The following ACER2 variants were observed in gnomAD, a reference collection of about 807,000 sequenced individuals.
ACER2 encodes alkCDase 2.
A neutral mutation model predicts 34.7 loss-of-function variants in ACER2; 26 were observed. The ratio of observed to expected loss-of-function variants is 0.75; its 90% CI spans 0.55 to 1.04. The LOEUF is 1.04. ACER2 is among the 50% of genes least tolerant of loss of function. ACER2 has a pLI of 0.00. For missense variants in ACER2, 352 were observed against 340.8 expected, an observed-to-expected ratio of 1.03 and a Z score of -0.26; for synonymous variants, 138 against 132.1, an observed-to-expected ratio of 1.04 and a Z score of -0.31.
At chr9:19,434,507 C>G (rs1442272502) in intron 3 of ACER2, among the ~76,000 whole-genome samples, 1 of 152,258 alleles carries the variant, frequency 6.6e-6, no homozygotes, top group South Asian at 2.1e-4. Context: ...GAACCAGACT[C>G]CGTCTGCAAT....
chr9:19,422,430 G>T (rs1288832416), intron 1 of ACER2, among the ~76,000 whole-genome samples: 2 of 152,132 alleles, frequency 1.3e-5, no homozygotes, highest in Non-Finnish European at 2.9e-5. Context: ...GAATGCCCAT[G>T]GAGACATAAC....
At chr9:19,438,225 A>C (rs907529263) in intron 4 of ACER2, among the ~76,000 whole-genome samples, 1 of 152,226 alleles carries the variant, frequency 6.6e-6, no homozygotes, top group Non-Finnish European at 1.5e-5. Context: ...TAGATCTCAT[A>C]GTCTTGCAGT....
intron 1 of ACER2, among the ~76,000 whole-genome samples, chr9:19,413,660 T>A (rs1355986413): frequency 2.6e-5 from 4 of 151,808 alleles, no homozygotes; most frequent in African/African-American, 9.7e-5. Flanking sequence ...CTAGCCACTT[T>A]GGAGAAAAGC....
At chr9:19,413,113 A>G (rs1830136736) in intron 1 of ACER2, among the ~76,000 whole-genome samples, 1 of 152,240 alleles carries the variant, frequency 6.6e-6, no homozygotes, top group Non-Finnish European at 1.5e-5. Flanking sequence ...ATGTTTGGGC[A>G]TACAAAACAT....
At chr9:19,430,013 C>T (rs1187358576) in intron 3 of ACER2, among the ~76,000 whole-genome samples, 3 of 151,880 alleles carry the variant, frequency 2.0e-5, no homozygotes, top group East Asian at 1.9e-4. Context: ...GTGGTCATTA[C>T]GATGGGAGGT....
At chr9:19,426,023 G>A (rs984628627) in intron 3 of ACER2, among the ~76,000 whole-genome samples, 2 of 152,134 alleles carry the variant, frequency 1.3e-5, no homozygotes, top group African/African-American at 4.8e-5. Flanking sequence ...AATGCTGGCT[G>A]CAAGGGGCAC....
chr9:19,426,218 A>C (rs1277681753), intron 3 of ACER2, among the ~76,000 whole-genome samples: 1 of 136,174 alleles, frequency 7.3e-6, no homozygotes, highest in Non-Finnish European at 1.6e-5. Flanking sequence ...GAACTGGTTG[A>C]CTTTTTTTTT....
chr9:19,446,044 G>A (rs1831346219), intron 4 of ACER2: 2 of 695,152 alleles, frequency 2.9e-6, no homozygotes, highest in Non-Finnish European at 5.3e-6. Context: ...AATGTAGTTG[G>A]GTGTATGAGT....
At chr9:19,409,651 C>T (rs1031865946) in intron 1 of ACER2, 1 of 783,868 alleles carries the variant, frequency 1.3e-6, no homozygotes, top group Non-Finnish European at 1.5e-6. Context: ...CCGCAGGTCC[C>T]CGCGGCTGGG....
rs1219811982 is a variant in ACER2, at chr9:19,451,363, A to C, written c.*727A>C. On this transcript the variant is annotated 3_prime_UTR_variant, in exon 6 of 6. Coordinates refer to ENST00000340967, the MANE Select transcript of ACER2 (RefSeq NM_001010887.3). The stretch of plus-strand genomic sequence containing the variant: ...AAACAAAACCAAACAGATGAAACAC[A>C]CACAGGACTTGTGGCTAAAAAGGCT... The C allele has an allele frequency of 6.6e-6, 1 of 152,666 alleles. No individual in the cohort carries two copies. The highest frequency in any genetic ancestry group is 1.5e-5 in the Non-Finnish European group (1 of 68,036). The allele number at this position is 152,666 out of a possible 1,614,324, so 9.5% of individuals were successfully genotyped here.
At position 19,424,583 on chromosome 9, in the gene ACER2, A is replaced by C. The variant is rs1050003600; in HGVS notation, c.224-117A>C. On this transcript the variant is annotated intron_variant, in intron 2 of 5. Coordinates refer to ENST00000340967, the MANE Select transcript of ACER2 (RefSeq NM_001010887.3). ...TTCTTTCTTCAGTTTCTTTTTTCAG[A>C]GAGAGAGTGATCTGGTGACTGTGTT... is the stretch of plus-strand genomic sequence containing the variant. 5 of 1,503,374 alleles carry C rather than the reference A, an allele frequency of 3.3e-6. No individual in the cohort carries two copies. In the African/African-American group the frequency reaches 7.0e-5, roughly 21 times the overall value. The allele number at this position is 1,503,374 out of a possible 1,614,324, so 93.1% of individuals were successfully genotyped here. A position where few individuals can be genotyped will look rare whatever the true frequency, so the allele number is the denominator to read the frequency against.
intron 3 of ACER2, among the ~76,000 whole-genome samples, chr9:19,432,987 G>GA (rs1830806333): frequency 6.6e-6 from 1 of 151,640 alleles, no homozygotes; most frequent in African/African-American, 2.4e-5. Flanking sequence ...AAAACATACG[G>GA]AAAAATCGCA....
Position 19,424,832 on chromosome 9 carries a change from G to C in ACER2, c.356G>C (p.Arg119Pro). The stretch of plus-strand genomic sequence containing the variant: ...AGAAGGTATCTACCAAAGATCTTTC[G>C]GAATGACCGGTAAGCTTGCACTAAA... The part of the protein sequence containing the change: ...FPRRYLPKIF[R>P]NDRGRFKVVV... Residue 119 changes from arginine (R) to proline (P), a missense_variant, in exon 3 of 6, where the codon CGG becomes CCG. Coordinates refer to ENST00000340967, the MANE Select transcript of ACER2 (RefSeq NM_001010887.3). The C allele has an allele frequency of 1.2e-6, 2 of 1,614,076 alleles. No individual in the cohort carries two copies. Among genetic ancestry groups the C allele is most frequent in the Non-Finnish European group, 1.7e-6 (2 of 1,180,016 alleles).
chr9:19,450,275 C>T (rs1775494112), intron 5 of ACER2, 175 bp from the exon 6 acceptor site: 4 of 985,382 alleles, frequency 4.1e-6, no homozygotes, highest in Non-Finnish European at 4.8e-6. Context: ...GATTTATCAT[C>T]CTGCTATTCC....
At chr9:19,432,204 C>G (rs2132497285) in intron 3 of ACER2, among the ~76,000 whole-genome samples, 1 of 152,292 alleles carries the variant, frequency 6.6e-6, no homozygotes, top group South Asian at 2.1e-4. Flanking sequence ...GATGTAAATT[C>G]TAGTGCATAC....
chr9:19,413,224 A>G (rs1304112506), intron 1 of ACER2, among the ~76,000 whole-genome samples: 2 of 152,186 alleles, frequency 1.3e-5, no homozygotes, highest in Non-Finnish European at 2.9e-5. Flanking sequence ...TTCCTTTCAC[A>G]GCCTTTTACT....
chr9:19,434,533 G>A (rs1311953784), intron 3 of ACER2, among the ~76,000 whole-genome samples: 6 of 152,382 alleles, frequency 3.9e-5, no homozygotes, highest in Admixed American at 6.5e-5. Context: ...CACCTCAGGA[G>A]GCCGAGGCTG....
intron 1 of ACER2, chr9:19,409,925 C>T (rs2132448148): frequency 1.0e-6 from 1 of 985,310 alleles, no homozygotes; most frequent in East Asian, 1.1e-4. Flanking sequence ...CAGAAACTTC[C>T]CCATTGCAGA....
intron 1 of ACER2, among the ~76,000 whole-genome samples, chr9:19,419,212 C>T (rs1830329372): frequency 6.6e-6 from 1 of 152,124 alleles, no homozygotes; most frequent in Admixed American, 6.6e-5. Flanking sequence ...CAAAACAAAA[C>T]CTACTGCATA....
Sources: gnomAD v4.1 joint callset for allele counts (sites outside exome capture counted in the v4.1 genomes callset) on GRCh38, gnomAD v4.1.1 for gene constraint, MANE v1.5 for transcripts, NCBI Gene and HGNC (gene_info 2026-07-23, HGNC 2026-07-21) for gene names.